FSD2: variants seen among roughly 807,000 people sequenced by gnomAD.
The protein encoded by FSD2 is fibronectin type III and SPRY domain-containing protein 2.
Under a neutral mutation model 80.4 loss-of-function variants are expected in FSD2, and 71 were observed. The ratio of observed to expected loss-of-function variants is 0.88; its 90% CI spans 0.73 to 1.08. FSD2 has a LOEUF of 1.08. FSD2 is among the 50% of genes least tolerant of loss of function. FSD2 has a pLI of 0.00. For synonymous variants in FSD2, 361 were observed against 329.5 expected (o/e 1.10, Z -1.03); for missense variants, 923 against 913.8 (o/e 1.01, Z -0.13).
intron 4 of FSD2, among the ~76,000 whole-genome samples, chr15:82,782,422 A>C (rs895570296): frequency 6.6e-6 from 1 of 152,144 alleles, no homozygotes; most frequent in African/African-American, 2.4e-5. Context: ...CCAAAACAAA[A>C]CAAAACAACA....
chr15:82,776,983 C>T (rs1406656017), intron 6 of FSD2, among the ~76,000 whole-genome samples: 1 of 152,186 alleles, frequency 6.6e-6, no homozygotes, highest in African/African-American at 2.4e-5. Flanking sequence ...AGGATAGTCT[C>T]TTCAACAAAT....
intron 10 of FSD2, among the ~76,000 whole-genome samples, chr15:82,765,624 G>C (rs1271338023): frequency 2.0e-5 from 3 of 152,192 alleles, no homozygotes; most frequent in African/African-American, 7.2e-5. Context: ...TGATTCCAGA[G>C]GCTGTGCTCT....
At chr15:82,801,673 C>T (rs540817734) in intron 1 of FSD2, among the ~76,000 whole-genome samples, 3 of 152,302 alleles carry the variant, frequency 2.0e-5, no homozygotes, top group South Asian at 4.2e-4. Flanking sequence ...TCTGGATCCT[C>T]ATAAGGAAAC....
intron 12 of FSD2, among the ~76,000 whole-genome samples, chr15:82,761,611 G>A (rs1355030193): frequency 2.0e-5 from 3 of 151,216 alleles, no homozygotes; most frequent in Non-Finnish European, 4.4e-5. Context: ...CATGTCGTTT[G>A]GATTATCTAA....
At position 82,766,006 on chromosome 15, in the gene FSD2, C is replaced by T. The variant is rs899497720; in HGVS notation, c.1579G>A (p.Glu527Lys). The T allele has an allele frequency of 6.3e-6, 10 of 1,590,040 alleles. No individual in the cohort carries two copies. Among genetic ancestry groups the T allele is most frequent in the South Asian group, 4.6e-5 (4 of 87,200 alleles). ...TESVVGIPTC[E>K]SVVQLQPGRS... Reference sequence around the variant, plus strand: ...CCCGGCTGCAGCTGCACCACGGACTCGCAGGTCGGGATGCCCACAACAGAC... The same window carrying T: ...CCCGGCTGCAGCTGCACCACGGACTTGCAGGTCGGGATGCCCACAACAGAC... The change falls in exon 10 of 13, where the codon GAG (glutamate) becomes AAG (lysine). Residue 527 changes from glutamate (E) to lysine (K), a missense_variant. By Grantham distance (56) the Glu-to-Lys change is moderately conservative (BLOSUM62 1). Transcript: ENST00000334574.
At chr15:82,797,136 T>C (rs570564454) in intron 1 of FSD2, among the ~76,000 whole-genome samples, 40 of 152,280 alleles carry the variant, frequency 2.6e-4, no homozygotes, top group Non-Finnish European at 5.1e-4. Context: ...AAAAATTTGT[T>C]TTCAAGCTAA....
At chr15:82,794,509 T>C (rs2050216780) in intron 1 of FSD2, among the ~76,000 whole-genome samples, 1 of 152,166 alleles carries the variant, frequency 6.6e-6, no homozygotes. Context: ...GCATTTGGTT[T>C]ATAGTATTAT....
chr15:82,790,333 C>T (rs1477471591), intron 1 of FSD2, among the ~76,000 whole-genome samples: 1 of 152,218 alleles, frequency 6.6e-6, no homozygotes, highest in Non-Finnish European at 1.5e-5. Context: ...CCTGAACCTT[C>T]CCTCTTGCTC....
At chr15:82,789,581 C>A (rs2050091163) in intron 1 of FSD2, among the ~76,000 whole-genome samples, 1 of 152,112 alleles carries the variant, frequency 6.6e-6, no homozygotes, top group Non-Finnish European at 1.5e-5. Flanking sequence ...TATTGTTGAA[C>A]TGGGATTTGA....
chr15:82,780,189 A>C, intron 5 of FSD2, 56 bp downstream of exon 5: 1 of 1,255,740 alleles, frequency 8.0e-7, no homozygotes, highest in Non-Finnish European at 1.1e-6. Flanking sequence ...GTCTATTTGG[A>C]TAACTAAAGT....
intron 1 of FSD2, among the ~76,000 whole-genome samples, chr15:82,791,252 C>A (rs1185279052): frequency 2.6e-5 from 4 of 151,382 alleles, no homozygotes; most frequent in East Asian, 2.0e-4. Flanking sequence ...CCCGTCTCGG[C>A]CTCCCAAAGT....
intron 3 of FSD2, among the ~76,000 whole-genome samples, chr15:82,786,254 G>A (rs2049993849): frequency 6.6e-6 from 1 of 152,112 alleles, no homozygotes; most frequent in South Asian, 2.1e-4. Flanking sequence ...GTAGGACTAG[G>A]GATATTGAGA....
chr15:82,795,787 G>A (rs2050250162), intron 1 of FSD2, among the ~76,000 whole-genome samples: 1 of 151,666 alleles, frequency 6.6e-6, no homozygotes, highest in Non-Finnish European at 1.5e-5. Context: ...AGCTGAGATT[G>A]CACTCCTTCA....
chr15:82,781,989 G>T, intron 4 of FSD2, among the ~76,000 whole-genome samples: 1 of 147,412 alleles, frequency 6.8e-6, no homozygotes, highest in South Asian at 2.2e-4. Context: ...GCTTGAACCC[G>T]GGAGGAAGAG....
intron 10 of FSD2, 64 bp downstream of exon 10, chr15:82,765,834 G>A: frequency 1.3e-6 from 2 of 1,526,254 alleles, no homozygotes; most frequent in Admixed American, 2.0e-5. Flanking sequence ...AGTCATAGCA[G>A]CACTGGGTCT....
At position 82,766,915 on chromosome 15, in the gene FSD2, G is replaced by A. The variant is rs141615485; in HGVS notation, c.1554-884C>T. ...TAATTGCCACTGTCTATATTGCTGC[G>A]GTTGCCAACCCCATGTCAGTCCAGT... On this transcript the variant is annotated intron_variant, in intron 9 of 12. Transcript: ENST00000334574. Among the ~76,000 whole-genome samples, 737 of 152,100 alleles carry A rather than the reference G, an allele frequency of 4.8e-3. 4 individuals carry two copies. The highest frequency in any genetic ancestry group is 0.014 in the Middle Eastern group (4 of 294).
rs7183053 is a variant in FSD2, at chr15:82,763,897, G to C, written c.1820+1269C>G. Among the ~76,000 whole-genome samples, 150 of 152,152 alleles carry C rather than the reference G, an allele frequency of 9.9e-4. 1 individual carries two copies. The highest frequency in any genetic ancestry group is 3.4e-3 in the African/African-American group (142 of 41,482). On this transcript the variant is annotated intron_variant, in intron 11 of 12. Transcript: ENST00000334574. The stretch of plus-strand genomic sequence containing the variant: ...CTCTTCCCGTCATGGATCCTATACC[G>C]CAGACATACCAAATTCCTTATATTT...
chr15:82,802,789 C>G (rs183600084), intron 1 of FSD2, among the ~76,000 whole-genome samples: 1 of 152,128 alleles, frequency 6.6e-6, no homozygotes, highest in Non-Finnish European at 1.5e-5. Flanking sequence ...ATAGATTCCA[C>G]CTGGTCATGG....
intron 7 of FSD2, among the ~76,000 whole-genome samples, chr15:82,770,291 G>A (rs567455257): frequency 1.3e-5 from 2 of 152,232 alleles, no homozygotes; most frequent in South Asian, 2.1e-4. Flanking sequence ...TCCTATCTGC[G>A]ACAACAGTAA....
Sources: allele counts gnomAD v4.1 joint callset (sites outside exome capture counted in the v4.1 genomes callset), GRCh38; gene constraint gnomAD v4.1.1; transcripts MANE v1.5; gene names NCBI Gene and HGNC (gene_info 2026-07-23, HGNC 2026-07-21).